Variants in FHIP1A observed in about 807,000 individuals in gnomAD.
FHIP1A encodes FHF complex subunit HOOK-interacting protein 1A.
FHIP1A carries 61 observed loss-of-function variants against 88.6 expected under a neutral mutation model. That is an observed-to-expected ratio of 0.69 (90% CI 0.56 to 0.85). FHIP1A has a LOEUF of 0.85. Ranked by LOEUF, FHIP1A falls within the 40% of genes least tolerant of loss-of-function variation. The pLI, the probability that FHIP1A is intolerant of heterozygous loss-of-function variation, is 0.00. For synonymous variants in FHIP1A, 478 were observed against 496.0 expected (o/e 0.96, Z 0.48); for missense variants, 1,154 against 1,273.5 (o/e 0.91, Z 1.43).
chr4:151,439,276 G>C (rs1728318211), intron 1 of FHIP1A, among the ~76,000 whole-genome samples: 1 of 152,044 alleles, frequency 6.6e-6, no homozygotes, highest in South Asian at 2.1e-4. Flanking sequence ...CTTGGGGAAG[G>C]GTTGTTGTGG....
chr4:151,631,813 G>A (rs1317021642), intron 8 of FHIP1A, among the ~76,000 whole-genome samples: 3 of 152,090 alleles, frequency 2.0e-5, no homozygotes, highest in Admixed American at 6.6e-5. Flanking sequence ...CTTTTACTTT[G>A]TGAGGGAAAG....
chr4:151,601,166 C>G (rs1175456054), intron 7 of FHIP1A, among the ~76,000 whole-genome samples: 1 of 152,094 alleles, frequency 6.6e-6, no homozygotes, highest in Admixed American at 6.5e-5. Flanking sequence ...AGAGGGGAGT[C>G]AGGGGAATAA....
At chr4:151,506,892 T>A (rs1257429511) in intron 3 of FHIP1A, among the ~76,000 whole-genome samples, 3 of 152,220 alleles carry the variant, frequency 2.0e-5, no homozygotes, top group East Asian at 1.9e-4. Flanking sequence ...AATTATTTTT[T>A]AAATTTATTT....
chr4:151,542,783 A>C (rs1376269663), intron 3 of FHIP1A, among the ~76,000 whole-genome samples: 2 of 152,130 alleles, frequency 1.3e-5, no homozygotes, highest in Non-Finnish European at 2.9e-5. Flanking sequence ...ACAGCATGGC[A>C]CCATGGTTAA....
At chr4:151,444,360 GACATAT>G (rs1047406504) in intron 1 of FHIP1A, among the ~76,000 whole-genome samples, 32 of 152,106 alleles carry the variant, frequency 2.1e-4, no homozygotes, top group African/African-American at 7.7e-4. Flanking sequence ...TTTAAAATGA[GACATAT>G]ACATATAAAA....
chr4:151,409,653 G>A (rs1315359978), intron 1 of FHIP1A, among the ~76,000 whole-genome samples, 188 bp downstream of exon 1: 1 of 152,000 alleles, frequency 6.6e-6, no homozygotes, highest in East Asian at 1.9e-4. Context: ...AGGTCGCTGC[G>A]TCGGGCGGGG....
chr4:151,646,415 GT>G (rs1294819257), intron 9 of FHIP1A, 142 bp from the exon 10 acceptor site: 3 of 583,006 alleles, frequency 5.1e-6, no homozygotes, highest in Admixed American at 2.9e-5. Context: ...GTGAACCCTG[GT>G]GGCTGGTGAG....
intron 3 of FHIP1A, among the ~76,000 whole-genome samples, chr4:151,515,571 A>G (rs1487022008): frequency 6.6e-6 from 1 of 152,246 alleles, no homozygotes; most frequent in East Asian, 1.9e-4. Flanking sequence ...TTTCAGCCCT[A>G]AATCTCCTTA....
Position 151,629,719 on chromosome 4 carries a change from C to A in FHIP1A, c.996C>A (p.Val332=). The A allele has an allele frequency of 1.3e-6, 2 of 1,551,102 alleles. No homozygotes were observed. Among genetic ancestry groups the A allele is most frequent in the South Asian group, 1.2e-5 (1 of 83,984 alleles). Residue 332 remains valine, a synonymous_variant, in exon 8 of 14, where the codon GTC becomes GTA. Coordinates refer to ENST00000435205, the MANE Select transcript of FHIP1A (RefSeq NM_001109977.3). ...PALHKVTVEE[V]MTTTAYLDLF... is the part of the protein sequence containing the mutation. The stretch of plus-strand genomic sequence containing the variant: ...TGTCCTAGGTGACTGTGGAAGAGGT[C>A]ATGACCACAACTGCATATCTGGACC...
chr4:151,638,650 C>T, intron 8 of FHIP1A, 27 bp from the exon 9 acceptor site: 2 of 1,423,694 alleles, frequency 1.4e-6, no homozygotes, highest in Non-Finnish European at 1.9e-6. Context: ...AACATCTGAA[C>T]TAGAATGTGT....
intron 7 of FHIP1A, among the ~76,000 whole-genome samples, chr4:151,596,832 G>A (rs1035099039): frequency 6.6e-6 from 1 of 151,976 alleles, no homozygotes. Context: ...TGATGCTTGT[G>A]TATGCTTCAT....
intron 10 of FHIP1A, 40 bp from the exon 11 acceptor site, chr4:151,649,418 CA>C: frequency 1.4e-6 from 2 of 1,454,896 alleles, no homozygotes; most frequent in Non-Finnish European, 1.9e-6. Context: ...CCTTTGTCCC[CA>C]CACCTCCCTT....
intron 2 of FHIP1A, among the ~76,000 whole-genome samples, chr4:151,473,848 C>T (rs1729609900): frequency 2.0e-5 from 3 of 152,176 alleles, no homozygotes; most frequent in Non-Finnish European, 4.4e-5. Context: ...GGTGTTTACT[C>T]TGGCCTTGAC....
In FHIP1A at chr4:151,656,878, C is replaced by T. The variant is rs2126924684; in HGVS notation, c.2849C>T (p.Thr950Ile). 1 of 1,551,564 alleles carries T rather than the reference C, an allele frequency of 6.4e-7. No homozygotes were observed. The highest frequency in any genetic ancestry group is 2.4e-5 in the East Asian group (1 of 40,924). The part of the protein sequence containing the change: ...LLFRVDMSDM[T>I]PAALTKDPIQ... The stretch of plus-strand genomic sequence containing the variant: ...TTCCGTGTGGACATGTCTGATATGA[C>T]CCCTGCAGCACTAACCAAAGGTAAG... Residue 950 changes from threonine (T) to isoleucine (I), a missense_variant, in exon 13 of 14, where the codon ACC (threonine) becomes ATC (isoleucine). Transcript: ENST00000435205. The surrounding 1 kb of genome is among the most constrained non-coding windows in gnomAD (Gnocchi z 4.2).
intron 7 of FHIP1A, among the ~76,000 whole-genome samples, chr4:151,597,905 G>T (rs181657743): frequency 6.6e-6 from 1 of 152,100 alleles, no homozygotes; most frequent in African/African-American, 2.4e-5. Flanking sequence ...GTCCCAGGTC[G>T]ACTTCAGACT....
chr4:151,598,354 G>T (rs1237631721), intron 7 of FHIP1A, among the ~76,000 whole-genome samples: 1 of 152,138 alleles, frequency 6.6e-6, no homozygotes, highest in South Asian at 2.1e-4. Context: ...GCCGTTGGTA[G>T]GCTGCACCCA....
At chr4:151,431,748 C>A (rs946620698) in intron 1 of FHIP1A, among the ~76,000 whole-genome samples, 1 of 152,118 alleles carries the variant, frequency 6.6e-6, no homozygotes, top group Non-Finnish European at 1.5e-5. Context: ...CAAGTTCAAG[C>A]AAAATGTATT....
chr4:151,594,668 C>T (rs1456935200), intron 7 of FHIP1A, among the ~76,000 whole-genome samples: 1 of 151,926 alleles, frequency 6.6e-6, no homozygotes, highest in Non-Finnish European at 1.5e-5. Flanking sequence ...GCTCCGCCTC[C>T]TGGGTTCATG....
Position 151,667,734 on chromosome 4 carries a change from T to G in FHIP1A, c.*4980T>G, listed in dbSNP as rs1737715855. Among the ~76,000 whole-genome samples, 1 of 152,186 alleles carries G rather than the reference T, an allele frequency of 6.6e-6. No homozygotes were observed. Among genetic ancestry groups the G allele is most frequent in the Non-Finnish European group, 1.5e-5 (1 of 68,022 alleles). On this transcript the variant is annotated 3_prime_UTR_variant, in exon 14 of 14. Coordinates refer to ENST00000435205, the MANE Select transcript of FHIP1A (RefSeq NM_001109977.3). Reference sequence around the variant, plus strand: ...CCTAGCTTGTAGGGTCACTGTGAATTTTGTTCATGTCTTAAAAGGTTTAAG... The same window carrying G: ...CCTAGCTTGTAGGGTCACTGTGAATGTTGTTCATGTCTTAAAAGGTTTAAG...
Sources: allele counts gnomAD v4.1 joint callset (sites outside exome capture counted in the v4.1 genomes callset), GRCh38; gene constraint gnomAD v4.1.1; non-coding constraint Gnocchi (gnomAD v3.1); transcripts MANE v1.5; gene names NCBI Gene and HGNC (gene_info 2026-07-23, HGNC 2026-07-21).